Variants in EPHA7 observed in about 807,000 individuals in gnomAD.
EPHA7 encodes the protein EPH receptor A7.
A neutral mutation model predicts 112.6 loss-of-function variants in EPHA7; 25 were observed. That is an observed-to-expected ratio of 0.22 (90% CI 0.16 to 0.31). EPHA7 has a LOEUF of 0.31. EPHA7 is among the 10% of genes least tolerant of loss of function. The probability of loss-of-function intolerance (pLI) is 1.00; values close to 1 mark genes in which losing one functional copy is unlikely to be tolerated. For missense variants in EPHA7, 962 were observed against 1,212.6 expected (o/e 0.79, Z 3.07); for synonymous variants, 437 against 406.5 (o/e 1.07, Z -0.90).
At chr6:93,260,559 C>T (rs149980202) in intron 9 of EPHA7, 1 of 947,536 alleles carries the variant, frequency 1.1e-6, no homozygotes, top group African/African-American at 1.8e-5. Flanking sequence ...CAATATATTT[C>T]TTTATATATT....
At chr6:93,335,021 T>C (rs1228634903) in intron 5 of EPHA7, among the ~76,000 whole-genome samples, 1 of 152,054 alleles carries the variant, frequency 6.6e-6, no homozygotes, top group Non-Finnish European at 1.5e-5. Context: ...CAGACCCATA[T>C]AACCTCAGGT....
At chr6:93,356,493 G>C (rs755694424) in intron 5 of EPHA7, among the ~76,000 whole-genome samples, 7 of 152,044 alleles carry the variant, frequency 4.6e-5, no homozygotes, top group Non-Finnish European at 8.8e-5. Context: ...GTGAGCCACC[G>C]CGCCTGGCCA....
intron 5 of EPHA7, among the ~76,000 whole-genome samples, chr6:93,339,759 A>G (rs1007175144): frequency 6.6e-6 from 1 of 151,822 alleles, no homozygotes; most frequent in Non-Finnish European, 1.5e-5. Context: ...CCCAGGCAAT[A>G]CATATTTTTG....
intron 5 of EPHA7, among the ~76,000 whole-genome samples, chr6:93,319,276 A>G (rs1773952917): frequency 6.6e-6 from 1 of 152,078 alleles, no homozygotes; most frequent in Non-Finnish European, 1.5e-5. Flanking sequence ...TTGTTTGCAC[A>G]CTGTCATTGA....
At chr6:93,377,105 G>T (rs985971830) in intron 3 of EPHA7, among the ~76,000 whole-genome samples, 4 of 152,126 alleles carry the variant, frequency 2.6e-5, no homozygotes, top group Non-Finnish European at 4.4e-5. Context: ...AGGTGATTCT[G>T]CCCTGTAGGA....
At chr6:93,365,119 C>T (rs80264158) in intron 3 of EPHA7, among the ~76,000 whole-genome samples, 4,061 of 152,214 alleles carry the variant, frequency 0.027, 180 homozygotes, top group African/African-American at 0.093. Context: ...CAGGTCTTAC[C>T]CCATTTCCAG....
chr6:93,306,894 C>G (rs890181653), intron 5 of EPHA7, among the ~76,000 whole-genome samples: 1 of 151,876 alleles, frequency 6.6e-6, no homozygotes, highest in Non-Finnish European at 1.5e-5. Context: ...AAAAAACTCT[C>G]TTTATGAAGA....
rs571485103 is a variant in EPHA7, at chr6:93,400,054, A to G, written c.832+10447T>C. Among the ~76,000 whole-genome samples the G allele has an allele frequency of 2.6e-4, 39 of 152,152 alleles. 1 individual carries two copies. Among genetic ancestry groups the G allele is most frequent in the Admixed American group, 2.5e-3 (38 of 15,236 alleles). ...AGAGTGTATCATATCTGAGTGGGTGAGGGGCATATCCTACCGCACATCTCT... is the reference window on the plus strand; with the variant it reads ...AGAGTGTATCATATCTGAGTGGGTGGGGGGCATATCCTACCGCACATCTCT... On this transcript the variant is annotated intron_variant, in intron 3 of 16. Transcript: ENST00000369303.
intron 5 of EPHA7, among the ~76,000 whole-genome samples, chr6:93,337,732 G>A (rs1286194031): frequency 6.6e-6 from 1 of 152,122 alleles, no homozygotes; most frequent in East Asian, 1.9e-4. Flanking sequence ...TCTCAAGTTA[G>A]ATATACCTCA....
chr6:93,409,276 G>A (rs1413871803), intron 3 of EPHA7, among the ~76,000 whole-genome samples: 1 of 151,794 alleles, frequency 6.6e-6, no homozygotes, highest in Non-Finnish European at 1.5e-5. Context: ...TTAAAACTAG[G>A]GCAATATCGT....
In EPHA7 at chr6:93,250,432, C is replaced by G. The variant is rs1011166565; in HGVS notation, c.2533-3447G>C. ...TTATCTTATTTGATTCTTACAAAAACCTTATTAGGTTTAAGTATCATTATT... is the reference window on the plus strand; with the variant it reads ...TTATCTTATTTGATTCTTACAAAAAGCTTATTAGGTTTAAGTATCATTATT... On this transcript the variant is annotated intron_variant, in intron 14 of 16. Transcript: ENST00000369303. Among the ~76,000 whole-genome samples, 6 of 151,858 alleles carry G rather than the reference C, an allele frequency of 4.0e-5. No individual in the cohort carries two copies. In the East Asian group the frequency reaches 1.2e-3, roughly 29 times the overall value.
chr6:93,393,610 T>C (rs530460560), intron 3 of EPHA7, among the ~76,000 whole-genome samples: 2 of 151,954 alleles, frequency 1.3e-5, no homozygotes, highest in South Asian at 2.1e-4. Flanking sequence ...TGAACTAGAC[T>C]GAAATCTCTA....
intron 14 of EPHA7, 32 bp downstream of exon 14, chr6:93,254,615 A>G (rs774929373): frequency 5.6e-6 from 9 of 1,594,858 alleles, no homozygotes; most frequent in South Asian, 1.1e-5. Flanking sequence ...AATGTATTCA[A>G]TCCTTTTTGT....
chr6:93,363,858 C>A (rs1357436448), intron 3 of EPHA7, among the ~76,000 whole-genome samples: 1 of 152,118 alleles, frequency 6.6e-6, no homozygotes, highest in Non-Finnish European at 1.5e-5. Context: ...GGAATATAAT[C>A]CACCAATTAA....
At position 93,254,701 on chromosome 6, in the gene EPHA7, C is replaced by T; in HGVS notation, c.2478G>A (p.Met826Ile). The change falls in exon 14 of 17, where the codon ATG becomes ATA. Residue 826 changes from methionine to isoleucine, a missense_variant. By Grantham distance (10) the Met-to-Ile change is conservative (BLOSUM62 1). Transcript: ENST00000369303. Reference sequence around the variant, plus strand: ...TTTCTCCATAAGACATAACTTCCCACATGACTATTCCATAGCTCCATACAT... The same window carrying T: ...TTTCTCCATAAGACATAACTTCCCATATGACTATTCCATAGCTCCATACAT... ...ASDVWSYGIV[M>I]WEVMSYGERP... 6.2e-7 allele frequency: 1 copy of T among 1,613,724 alleles called. No homozygotes were observed. The highest frequency in any genetic ancestry group is 8.5e-7 in the Non-Finnish European group (1 of 1,179,746).
intron 2 of EPHA7, among the ~76,000 whole-genome samples, chr6:93,413,982 A>G (rs1310251956): frequency 6.6e-6 from 1 of 151,890 alleles, no homozygotes; most frequent in Admixed American, 6.6e-5. Flanking sequence ...CCTCTCTCAC[A>G]ATTAAAAATA....
chr6:93,414,636 T>A, intron 2 of EPHA7, 67 bp downstream of exon 2: 2 of 1,216,076 alleles, frequency 1.6e-6, no homozygotes, highest in Non-Finnish European at 2.4e-6. Context: ...ATAATTACCC[T>A]GGAGGGAAGG....
chr6:93,386,175 C>A (rs1036606631), intron 3 of EPHA7, among the ~76,000 whole-genome samples: 8 of 152,170 alleles, frequency 5.3e-5, no homozygotes, highest in Non-Finnish European at 1.2e-4. Flanking sequence ...AGACTTAACT[C>A]ATTCCAGCTT....
chr6:93,371,185 A>C (rs1008145656), intron 3 of EPHA7, among the ~76,000 whole-genome samples: 1 of 151,644 alleles, frequency 6.6e-6, no homozygotes, highest in Non-Finnish European at 1.5e-5. Context: ...AAAAAAGAAA[A>C]AGCACAGTCA....
Sources: allele counts gnomAD v4.1 joint callset (sites outside exome capture counted in the v4.1 genomes callset), GRCh38; gene constraint gnomAD v4.1.1; transcripts MANE v1.5; gene names NCBI Gene and HGNC (gene_info 2026-07-23, HGNC 2026-07-21).